Variants in SYTL3 observed in about 807,000 individuals in gnomAD.
SYTL3 encodes synaptotagmin like 3.
A neutral mutation model predicts 82.1 loss-of-function variants in SYTL3; 88 were observed. That is an observed-to-expected ratio of 1.07 (90% CI 0.90 to 1.28). The LOEUF (loss-of-function observed/expected upper bound fraction) is 1.28, where lower values mean the gene tolerates loss of function less well. Among genes scored for constraint, SYTL3 ranks in the 50% most tolerant of loss-of-function variants. The pLI, the probability that SYTL3 is intolerant of heterozygous loss-of-function variation, is 0.00. For synonymous variants in SYTL3, 311 were observed against 289.4 expected, an observed-to-expected ratio of 1.07 and a Z score of -0.76; for missense variants, 831 against 757.6, an observed-to-expected ratio of 1.10 and a Z score of -1.14.
chr6:158,708,538 G>A (rs1782380569), intron 8 of SYTL3, 147 bp downstream of exon 8: 10 of 728,786 alleles, frequency 1.4e-5, no homozygotes, highest in Non-Finnish European at 2.3e-5. Flanking sequence ...AAGCGGGGTG[G>A]GGAGCGAGGG....
At chr6:158,732,966 A>AC (rs1785607631) in intron 11 of SYTL3, among the ~76,000 whole-genome samples, 2 of 151,966 alleles carry the variant, frequency 1.3e-5, no homozygotes, top group South Asian at 2.1e-4. Flanking sequence ...AAAAAAAAAA[A>AC]AACACTGTAA....
At chr6:158,659,112 A>G (rs1789054744) in intron 2 of SYTL3, among the ~76,000 whole-genome samples, 1 of 152,172 alleles carries the variant, frequency 6.6e-6, no homozygotes, top group South Asian at 2.1e-4. Flanking sequence ...GAAGAGTAAC[A>G]ATGATGGGAT....
chr6:158,652,702 C>T (rs554236041), intron 2 of SYTL3, among the ~76,000 whole-genome samples: 18 of 151,868 alleles, frequency 1.2e-4, no homozygotes, highest in South Asian at 4.2e-4. Flanking sequence ...CCACCATGCC[C>T]GGCTAATTTT....
In SYTL3 at chr6:158,760,728, T is replaced by TC; in HGVS notation, c.1399dup (p.Gln467ProfsTer39). ...GTTCTCCCTTCACGGCCCAGAAAAC[T>TC]CCAAGAGGCTCAAGAAGGTCAGTGG... On this transcript the variant is annotated frameshift_variant, in exon 15 of 18. Coordinates refer to ENST00000611299, the MANE Select transcript of SYTL3 (RefSeq NM_001242394.2). LOFTEE classifies it high-confidence loss of function. 2 of 1,613,922 alleles carry TC rather than the reference T, an allele frequency of 1.2e-6. No homozygotes were observed. Among genetic ancestry groups the TC allele is most frequent in the Non-Finnish European group, 1.7e-6 (2 of 1,179,834 alleles).
At chr6:158,739,994 C>CTTTTTTTTTT (rs35026438) in intron 11 of SYTL3, among the ~76,000 whole-genome samples, 23 of 105,576 alleles carry the variant, frequency 2.2e-4, no homozygotes, top group Non-Finnish European at 3.1e-4. Context: ...AGGCAACTTA[C>CTTTTTTTTTT]TTTTTTTTTT....
intron 13 of SYTL3, among the ~76,000 whole-genome samples, chr6:158,756,364 G>T (rs535328664): frequency 2.0e-5 from 3 of 152,382 alleles, no homozygotes; most frequent in South Asian, 4.1e-4. Flanking sequence ...CAAACACGTG[G>T]TGTTGCGGGG....
chr6:158,762,803 G>A (rs182991939), intron 16 of SYTL3, among the ~76,000 whole-genome samples: 1 of 152,268 alleles, frequency 6.6e-6, no homozygotes, highest in Non-Finnish European at 1.5e-5. Flanking sequence ...TATAATCCTA[G>A]CTGCTCTGGA....
intron 2 of SYTL3, among the ~76,000 whole-genome samples, chr6:158,658,339 C>T (rs554030434): frequency 4.6e-5 from 7 of 152,056 alleles, no homozygotes; most frequent in East Asian, 1.9e-4. Flanking sequence ...AGTTATTTGT[C>T]GCTGTGACAA....
rs397887964 is a variant in SYTL3, at chr6:158,743,598, C to CTTTTTTTT, written c.856-1862_856-1855dup. On this transcript the variant is annotated intron_variant, in intron 11 of 17. Transcript: ENST00000611299. ...ACTCATGCTGGTGCACCAGTCCAAG[C>CTTTTTTTT]TTTTTTTTTTTTTTTTTTTTTTTTT... Among the ~76,000 whole-genome samples, 26 of 63,078 alleles carry CTTTTTTTT rather than the reference C, an allele frequency of 4.1e-4. 3 individuals carry two copies. Among genetic ancestry groups the CTTTTTTTT allele is most frequent in the Non-Finnish European group, 7.1e-4 (24 of 33,740 alleles). The allele number at this position is 63,078 out of a possible 152,430, so 41.4% of individuals were successfully genotyped here. A position where few individuals can be genotyped will look rare whatever the true frequency, so the allele number is the denominator to read the frequency against.
intron 11 of SYTL3, among the ~76,000 whole-genome samples, chr6:158,737,377 C>T (rs1318153914): frequency 6.6e-6 from 1 of 152,168 alleles, no homozygotes; most frequent in Non-Finnish European, 1.5e-5. Flanking sequence ...GTGTTCTTAT[C>T]AGGATTTATT....
intron 10 of SYTL3, among the ~76,000 whole-genome samples, chr6:158,720,140 G>A (rs749976739): frequency 3.4e-4 from 51 of 152,002 alleles, no homozygotes; most frequent in Non-Finnish European, 2.8e-4. Context: ...CATGGCTCAT[G>A]CCTGTAATCC....
In SYTL3 at chr6:158,708,402, C is replaced by T; in HGVS notation, c.516+11C>T. 1 of 1,612,892 alleles carries T rather than the reference C, an allele frequency of 6.2e-7. No homozygotes were observed. Among genetic ancestry groups the T allele is most frequent in the Non-Finnish European group, 8.5e-7 (1 of 1,178,874 alleles). ...CGCAGTCCTGGCAGGGTAACGTATC[C>T]ATTCTGGGCACTTCTCTAGTAGGGG... On this transcript the variant is annotated intron_variant, in intron 8 of 17. Coordinates refer to ENST00000611299, the MANE Select transcript of SYTL3 (RefSeq NM_001242394.2).
intron 10 of SYTL3, 122 bp downstream of exon 10, chr6:158,718,333 C>T (rs912042333): frequency 1.7e-6 from 2 of 1,176,802 alleles, no homozygotes; most frequent in Admixed American, 3.5e-5. Context: ...AGTAAGCCAT[C>T]AGAAAAACAT....
At chr6:158,681,605 G>A (rs74738073) in intron 5 of SYTL3, among the ~76,000 whole-genome samples, 9,604 of 152,198 alleles carry the variant, frequency 0.063, 385 homozygotes, top group Middle Eastern at 0.12. Context: ...TTGAACCCAC[G>A]AGGGGGAGAT....
chr6:158,661,649 A>G (rs1436296264), intron 3 of SYTL3, among the ~76,000 whole-genome samples: 3 of 152,364 alleles, frequency 2.0e-5, no homozygotes, highest in Non-Finnish European at 1.5e-5. Flanking sequence ...ACTTGGAGAA[A>G]AAATTAAATC....
chr6:158,648,358 G>A (rs1366157027), upstream of SYTL3, among the ~76,000 whole-genome samples: 1 of 152,074 alleles, frequency 6.6e-6, no homozygotes, highest in Non-Finnish European at 1.5e-5. Context: ...TTGGGAGGCC[G>A]AGGCGGGCGG....
In SYTL3 at chr6:158,760,748, C is replaced by T. The variant is rs369298831; in HGVS notation, c.1414+3C>T. The T allele has an allele frequency of 2.1e-5, 33 of 1,605,414 alleles. No homozygotes were observed. Among genetic ancestry groups the T allele is most frequent in the Non-Finnish European group, 2.6e-5 (30 of 1,172,180 alleles). On this transcript the variant is annotated splice_donor_region_variant and intron_variant, in intron 15 of 17. Coordinates refer to ENST00000611299, the MANE Select transcript of SYTL3 (RefSeq NM_001242394.2). Reference sequence around the variant, plus strand: ...AAAACTCCAAGAGGCTCAAGAAGGTCAGTGGCCTCCAGCTCCCTGGACATT... The same window carrying T: ...AAAACTCCAAGAGGCTCAAGAAGGTTAGTGGCCTCCAGCTCCCTGGACATT...
At chr6:158,658,652 C>T (rs760466738) in intron 2 of SYTL3, among the ~76,000 whole-genome samples, 37 of 152,094 alleles carry the variant, frequency 2.4e-4, no homozygotes, top group Non-Finnish European at 4.7e-4. Context: ...CGGCCAGGCG[C>T]GGTAGCTCAC....
At chr6:158,763,186 T>G in intron 16 of SYTL3, 118 bp from the exon 17 acceptor site, 1 of 890,970 alleles carries the variant, frequency 1.1e-6, no homozygotes, top group African/African-American at 1.7e-5. Flanking sequence ...CTGGGGAGGG[T>G]GTGGATGTTG....
Sources: gnomAD v4.1 joint callset for allele counts (sites outside exome capture counted in the v4.1 genomes callset) on GRCh38, gnomAD v4.1.1 for gene constraint, MANE v1.5 for transcripts, NCBI Gene and HGNC (gene_info 2026-07-23, HGNC 2026-07-21) for gene names.